KCNH7: variants seen among roughly 807,000 people sequenced by gnomAD.
KCNH7 encodes the protein voltage-gated inwardly rectifying potassium channel KCNH7.
A neutral mutation model predicts 120.8 loss-of-function variants in KCNH7; 49 were observed. That is an observed-to-expected ratio of 0.41 (90% CI 0.32 to 0.51). The LOEUF (loss-of-function observed/expected upper bound fraction) is 0.51. Among genes scored for constraint, KCNH7 ranks in the 20% least tolerant of loss-of-function variants. The probability of loss-of-function intolerance (pLI) is 0.38; values close to 1 mark genes in which losing one functional copy is unlikely to be tolerated. For synonymous variants in KCNH7, 547 were observed against 516.1 expected (o/e 1.06, Z -0.81); for missense variants, 1,097 against 1,446.6 (o/e 0.76, Z 3.92).
chr2:162,740,609 G>A (rs1488916133), intron 2 of KCNH7, among the ~76,000 whole-genome samples: 1 of 152,178 alleles, frequency 6.6e-6, no homozygotes, highest in East Asian at 1.9e-4. Flanking sequence ...CGGTAATGAT[G>A]TTTCAATAGA....
At chr2:162,765,848 C>A (rs1227143762) in intron 2 of KCNH7, among the ~76,000 whole-genome samples, 1 of 152,134 alleles carries the variant, frequency 6.6e-6, no homozygotes, top group Non-Finnish European at 1.5e-5. Flanking sequence ...CAGCCTTGTG[C>A]TCTTGGGCTC....
At position 162,394,533 on chromosome 2, in the gene KCNH7, A is replaced by T. The variant is rs772855773; in HGVS notation, c.2614-48T>A. 3.8e-6 allele frequency: 4 copies of T among 1,045,432 alleles called. No homozygotes were observed. In the South Asian group the frequency reaches 5.2e-5, roughly 14 times the overall value. 64.8% of individuals were successfully genotyped at this position (1,045,432 alleles called of 1,614,324 possible). A position where few individuals can be genotyped will look rare whatever the true frequency, so the allele number is the denominator to read the frequency against. The stretch of plus-strand genomic sequence containing the variant: ...TAAAATGAAAGATTACTGAATTAGA[A>T]CACAATGTACTATTCAGTAAACTGT... On this transcript the variant is annotated intron_variant, in intron 11 of 15. Transcript: ENST00000332142.
At chr2:162,798,195 A>ATCC (rs1405446198) in intron 2 of KCNH7, among the ~76,000 whole-genome samples, 1 of 152,114 alleles carries the variant, frequency 6.6e-6, no homozygotes, top group Non-Finnish European at 1.5e-5. Context: ...TAGTAGAAGC[A>ATCC]TCCTTCCTAG....
In KCNH7 at chr2:162,748,920, CCT is replaced by C. The variant is rs1559113940; in HGVS notation, c.307+87615_307+87616del. 1.9e-4 allele frequency among the ~76,000 whole-genome samples: 9 copies of C among 47,692 alleles called. 1 individual carries two copies. In the African/African-American group the frequency reaches 2.6e-3, roughly 14 times the overall value. 31.3% of individuals were successfully genotyped at this position (47,692 alleles called of 152,430 possible). A position where few individuals can be genotyped will look rare whatever the true frequency, so the allele number is the denominator to read the frequency against. On this transcript the variant is annotated intron_variant, in intron 2 of 15. Transcript: ENST00000332142. ...TTTCCTTCCTTCCTTCCTTCCCTTCCCTTTCCTTTCCTTCCTTCCTTCCTTCC... is the reference window on the plus strand; with the variant it reads ...TTTCCTTCCTTCCTTCCTTCCCTTCCTTCCTTTCCTTCCTTCCTTCCTTCC...
intron 2 of KCNH7, among the ~76,000 whole-genome samples, chr2:162,679,151 C>A (rs1432376356): frequency 1.3e-5 from 2 of 151,450 alleles, no homozygotes; most frequent in Admixed American, 6.6e-5. Context: ...GATTATAAGT[C>A]CCTGAGATGT....
intron 2 of KCNH7, among the ~76,000 whole-genome samples, chr2:162,598,225 A>G (rs1302332759): frequency 2.0e-5 from 3 of 152,134 alleles, no homozygotes; most frequent in Non-Finnish European, 2.9e-5. Context: ...TTGATTTTCA[A>G]TGCCTATGAA....
At chr2:162,802,309 T>A (rs1318383722) in intron 2 of KCNH7, among the ~76,000 whole-genome samples, 2 of 151,786 alleles carry the variant, frequency 1.3e-5, no homozygotes, top group African/African-American at 4.8e-5. Context: ...TCAAAGTGGT[T>A]AGTAGTACTC....
At chr2:162,519,650 C>A (rs954295800) in intron 3 of KCNH7, among the ~76,000 whole-genome samples, 1 of 151,620 alleles carries the variant, frequency 6.6e-6, no homozygotes, top group Non-Finnish European at 1.5e-5. Flanking sequence ...AATCTGTAAC[C>A]CAAAGCTTCT....
At chr2:162,735,220 G>A (rs1398596662) in intron 2 of KCNH7, among the ~76,000 whole-genome samples, 1 of 152,026 alleles carries the variant, frequency 6.6e-6, no homozygotes, top group African/African-American at 2.4e-5. Context: ...ATTTGTTTTT[G>A]GTTACTCTAG....
intron 2 of KCNH7, among the ~76,000 whole-genome samples, chr2:162,630,012 T>G (rs1253430242): frequency 6.6e-6 from 1 of 152,086 alleles, no homozygotes; most frequent in Non-Finnish European, 1.5e-5. Context: ...GCAGAAAATG[T>G]CCAGGTGATG....
intron 2 of KCNH7, among the ~76,000 whole-genome samples, chr2:162,596,664 A>T (rs1694391275): frequency 6.6e-6 from 1 of 152,048 alleles, no homozygotes; most frequent in Non-Finnish European, 1.5e-5. Flanking sequence ...CTTACATAAG[A>T]CCCCAAAAAC....
chr2:162,402,801 G>GTGCA (rs1408474023), intron 9 of KCNH7, among the ~76,000 whole-genome samples: 2 of 151,818 alleles, frequency 1.3e-5, no homozygotes, highest in Non-Finnish European at 2.9e-5. Context: ...GTGTGTGTGT[G>GTGCA]TGCATGTCTG....
intron 2 of KCNH7, among the ~76,000 whole-genome samples, chr2:162,736,357 T>C (rs1226332924): frequency 2.0e-5 from 3 of 152,208 alleles, no homozygotes; most frequent in Admixed American, 1.3e-4. Context: ...TTTTCACTCA[T>C]TACAAAGGAG....
chr2:162,374,844 T>C (rs1457058942), intron 14 of KCNH7, among the ~76,000 whole-genome samples: 1 of 152,166 alleles, frequency 6.6e-6, no homozygotes, highest in Non-Finnish European at 1.5e-5. Context: ...AACCAATAGC[T>C]ATGAATGATA....
chr2:162,458,428 G>T (rs1184263917), intron 6 of KCNH7, among the ~76,000 whole-genome samples: 1 of 151,994 alleles, frequency 6.6e-6, no homozygotes, highest in African/African-American at 2.4e-5. Context: ...TTGTCTCGCA[G>T]CTCCTATGCC....
intron 2 of KCNH7, among the ~76,000 whole-genome samples, chr2:162,720,104 C>A (rs1336098252): frequency 6.6e-6 from 1 of 151,936 alleles, no homozygotes; most frequent in Non-Finnish European, 1.5e-5. Context: ...ACACTTCATG[C>A]TGAATCCAAC....
Position 162,531,017 on chromosome 2 carries a change from T to C in KCNH7, c.463+5908A>G, listed in dbSNP as rs78530722. Among the ~76,000 whole-genome samples, 528 of 151,996 alleles carry C rather than the reference T, an allele frequency of 3.5e-3. 18 individuals are homozygous for C. In the East Asian group the frequency reaches 0.091, roughly 26 times the overall value. ...GGTGTAATCAAAACCGATATACAGGTGGTAAATAATGGGCCTTTGTAATGC... is the reference window on the plus strand; with the variant it reads ...GGTGTAATCAAAACCGATATACAGGCGGTAAATAATGGGCCTTTGTAATGC... On this transcript the variant is annotated intron_variant, in intron 3 of 15. Transcript: ENST00000332142.
At chr2:162,793,289 C>T (rs1684023480) in intron 2 of KCNH7, among the ~76,000 whole-genome samples, 1 of 151,552 alleles carries the variant, frequency 6.6e-6, no homozygotes, top group Non-Finnish European at 1.5e-5. Context: ...CACACTGGGA[C>T]CTATTGGAGG....
intron 2 of KCNH7, among the ~76,000 whole-genome samples, chr2:162,556,868 T>C (rs1408541745): frequency 6.6e-6 from 1 of 152,238 alleles, no homozygotes; most frequent in Non-Finnish European, 1.5e-5. Context: ...AGGAAACTAC[T>C]AAAGGATTTA....
Sources: allele counts gnomAD v4.1 joint callset (sites outside exome capture counted in the v4.1 genomes callset), GRCh38; gene constraint gnomAD v4.1.1; transcripts MANE v1.5; gene names NCBI Gene and HGNC (gene_info 2026-07-23, HGNC 2026-07-21).